The following GRIK1 variants were observed in gnomAD, a reference collection of about 807,000 sequenced individuals.
The protein encoded by GRIK1 is glutamate ionotropic receptor kainate type subunit 1, also known as glutamate receptor ionotropic, kainate 1.
Under a neutral mutation model 105.7 loss-of-function variants are expected in GRIK1, and 69 were observed. The observed-to-expected ratio is 0.65, with a 90% CI of 0.54 to 0.80. The LOEUF is 0.80. Ranked by LOEUF, GRIK1 falls within the 30% of genes least tolerant of loss-of-function variation. GRIK1 has a pLI of 0.00. For missense variants in GRIK1, 1,109 were observed against 1,167.3 expected, an observed-to-expected ratio of 0.95 and a Z score of 0.73; for synonymous variants, 438 against 431.3, an observed-to-expected ratio of 1.02 and a Z score of -0.19.
chr21:29,712,942 A>G (rs529216783), intron 1 of GRIK1, among the ~76,000 whole-genome samples: 1 of 151,778 alleles, frequency 6.6e-6, no homozygotes, highest in African/African-American at 2.4e-5. Flanking sequence ...TCATGCTTCT[A>G]TACCATTGTT....
intron 7 of GRIK1, among the ~76,000 whole-genome samples, chr21:29,612,846 G>A (rs2061759731): frequency 6.6e-6 from 1 of 152,090 alleles, no homozygotes; most frequent in South Asian, 2.1e-4. Context: ...ACAAATTTTA[G>A]TCATAAACCT....
intron 1 of GRIK1, among the ~76,000 whole-genome samples, chr21:29,831,559 T>C (rs557166671): frequency 3.3e-5 from 5 of 152,108 alleles, no homozygotes; most frequent in South Asian, 4.2e-4. Context: ...AGCAGGAACA[T>C]CTTACATGGC....
chr21:29,564,961 T>A (rs1483355837), intron 14 of GRIK1, among the ~76,000 whole-genome samples: 3 of 152,196 alleles, frequency 2.0e-5, no homozygotes, highest in Non-Finnish European at 4.4e-5. Flanking sequence ...ATAATGGATT[T>A]AAATTCAACA....
chr21:29,901,052 G>A (rs2070388228), intron 1 of GRIK1, among the ~76,000 whole-genome samples: 2 of 152,106 alleles, frequency 1.3e-5, no homozygotes, highest in African/African-American at 4.8e-5. Flanking sequence ...GGTAAATAAA[G>A]AAATGAAGGC....
At chr21:29,872,192 C>CTTTT (rs35165931) in intron 1 of GRIK1, among the ~76,000 whole-genome samples, 1 of 107,680 alleles carries the variant, frequency 9.3e-6, no homozygotes, top group African/African-American at 3.3e-5. Flanking sequence ...GCTCTCACTT[C>CTTTT]TTTTTTTTTT....
chr21:29,768,981 T>C (rs1488391806), intron 1 of GRIK1, among the ~76,000 whole-genome samples: 3 of 152,214 alleles, frequency 2.0e-5, no homozygotes, highest in Non-Finnish European at 2.9e-5. Flanking sequence ...TTTAGCGTAG[T>C]CTTAAGCATA....
At chr21:29,713,748 A>G (rs942033953) in intron 1 of GRIK1, among the ~76,000 whole-genome samples, 1 of 152,204 alleles carries the variant, frequency 6.6e-6, no homozygotes, top group African/African-American at 2.4e-5. Context: ...GCAAAACACT[A>G]GAAAAGATCT....
At chr21:29,735,292 G>A (rs2146914665) in intron 1 of GRIK1, among the ~76,000 whole-genome samples, 1 of 152,246 alleles carries the variant, frequency 6.6e-6, no homozygotes, top group Non-Finnish European at 1.5e-5. Context: ...TTCCATCACT[G>A]TTTCTCTCAG....
At chr21:29,593,233 G>C (rs1261677589) in intron 9 of GRIK1, among the ~76,000 whole-genome samples, 1 of 152,090 alleles carries the variant, frequency 6.6e-6, no homozygotes, top group African/African-American at 2.4e-5. Context: ...TTTTGCATTT[G>C]AAAATATTGT....
chr21:29,570,598 G>A (rs888292474), intron 14 of GRIK1, among the ~76,000 whole-genome samples: 9 of 151,994 alleles, frequency 5.9e-5, no homozygotes, highest in East Asian at 5.8e-4. Context: ...ATTTGATGCC[G>A]ATCGCCTCAT....
chr21:29,838,524 C>T (rs939119903), intron 1 of GRIK1, among the ~76,000 whole-genome samples: 3 of 152,104 alleles, frequency 2.0e-5, no homozygotes, highest in Non-Finnish European at 2.9e-5. Flanking sequence ...TGCTGCTCTC[C>T]GGGAGTTCTG....
intron 4 of GRIK1, among the ~76,000 whole-genome samples, chr21:29,667,141 G>T (rs1228192904): frequency 6.6e-6 from 1 of 152,136 alleles, no homozygotes; most frequent in East Asian, 1.9e-4. Flanking sequence ...GACTTAGTGG[G>T]CACATGTTTA....
intron 1 of GRIK1, among the ~76,000 whole-genome samples, chr21:29,695,511 G>T (rs1301061247): frequency 1.3e-5 from 2 of 151,284 alleles, no homozygotes; most frequent in African/African-American, 2.4e-5. Context: ...GTCTTGCTCT[G>T]TTGCCCAGGC....
At chr21:29,908,035 T>C (rs1320929206) in intron 1 of GRIK1, among the ~76,000 whole-genome samples, 2 of 152,116 alleles carry the variant, frequency 1.3e-5, no homozygotes, top group Non-Finnish European at 2.9e-5. Context: ...AGTGGTCCCA[T>C]TGGTCTTGTT....
intron 1 of GRIK1, among the ~76,000 whole-genome samples, chr21:29,756,156 C>T (rs756193518): frequency 2.4e-4 from 37 of 152,208 alleles, no homozygotes; most frequent in East Asian, 7.8e-4. Flanking sequence ...CCGAGGCGGG[C>T]GGATCACAAA....
chr21:29,545,612 T>C (rs2090038432), intron 16 of GRIK1, among the ~76,000 whole-genome samples: 1 of 152,030 alleles, frequency 6.6e-6, no homozygotes, highest in East Asian at 1.9e-4. Context: ...ATGTGTAGGG[T>C]GTTAGTTGTC....
At chr21:29,587,990 T>TTTTTTTTTTTTTTTG (rs1491321446) in intron 11 of GRIK1, among the ~76,000 whole-genome samples, 1 of 131,220 alleles carries the variant, frequency 7.6e-6, no homozygotes, top group African/African-American at 3.2e-5. Flanking sequence ...TTTTTTTTTT[T>TTTTTTTTTTTTTTTG]GTGAGGCGGA....
chr21:29,917,744 T>A (rs1199067923), intron 1 of GRIK1, among the ~76,000 whole-genome samples: 2 of 152,192 alleles, frequency 1.3e-5, no homozygotes, highest in Non-Finnish European at 2.9e-5. Context: ...ATTTTTTCAC[T>A]GTATAGTTGA....
intron 14 of GRIK1, among the ~76,000 whole-genome samples, chr21:29,570,344 T>C (rs142566228): frequency 0.035 from 5,308 of 151,722 alleles, 298 homozygotes; most frequent in African/African-American, 0.12. Flanking sequence ...CTACTAAAAA[T>C]AAAAAAATAT....
Sources: gnomAD v4.1 joint callset for allele counts (sites outside exome capture counted in the v4.1 genomes callset) on GRCh38, gnomAD v4.1.1 for gene constraint, MANE v1.5 for transcripts, NCBI Gene and HGNC (gene_info 2026-07-23, HGNC 2026-07-21) for gene names.